PDE11A: variants seen among roughly 807,000 people sequenced by gnomAD.
PDE11A encodes the protein phosphodiesterase 11A, also known as dual 3',5'-cyclic-AMP and -GMP phosphodiesterase 11A.
PDE11A carries 100 observed loss-of-function variants against 100.5 expected under a neutral mutation model. The observed-to-expected ratio is 1.00, with a 90% confidence interval of 0.85 to 1.18. The LOEUF (loss-of-function observed/expected upper bound fraction) is 1.18, where lower values mean the gene tolerates loss of function less well. PDE11A is among the 50% of genes most tolerant of loss of function. PDE11A has a pLI of 0.00. For missense variants in PDE11A, 1,141 were observed against 1,152.6 expected, an observed-to-expected ratio of 0.99 and a Z score of 0.15; for synonymous variants, 381 against 420.8, an observed-to-expected ratio of 0.91 and a Z score of 1.16.
intron 9 of PDE11A, among the ~76,000 whole-genome samples, chr2:177,794,339 CAA>C (rs1168634448): frequency 6.6e-6 from 1 of 152,106 alleles, no homozygotes; most frequent in Non-Finnish European, 1.5e-5. Flanking sequence ...TAAGGAAAAG[CAA>C]AGAGGCCAGT....
At chr2:177,850,062 A>G (rs1428250764) in intron 5 of PDE11A, among the ~76,000 whole-genome samples, 2 of 152,242 alleles carry the variant, frequency 1.3e-5, no homozygotes, top group Admixed American at 1.3e-4. Flanking sequence ...ACCAAAAAAG[A>G]GCCCACATTG....
At chr2:177,636,382 G>A (rs900984843) in intron 19 of PDE11A, among the ~76,000 whole-genome samples, 1 of 152,082 alleles carries the variant, frequency 6.6e-6, no homozygotes, top group African/African-American at 2.4e-5. Flanking sequence ...CTCCCCAAAT[G>A]GTACTTGAAT....
At chr2:178,033,171 C>A (rs532090418) in intron 1 of PDE11A, among the ~76,000 whole-genome samples, 1 of 152,222 alleles carries the variant, frequency 6.6e-6, no homozygotes, top group South Asian at 2.1e-4. Context: ...ACAGGAACTG[C>A]TAACTAGAAT....
chr2:178,078,920 G>A lies in PDE11A; in HGVS notation c.162+25382C>T, dbSNP rs138864949. On this transcript the variant is annotated intron_variant, in intron 2 of 20. Coordinates refer to the PDE11A transcript ENST00000358450. ...GAACATGTACAGTATAGCTAGGGAG[G>A]TAGAACATTTACATTAAAGAACAAC... Among the ~76,000 whole-genome samples, 936 of 152,216 alleles carry A rather than the reference G, an allele frequency of 6.1e-3. 6 individuals are homozygous for A. The highest frequency in any genetic ancestry group is 9.9e-3 in the Non-Finnish European group (674 of 68,008).
intron 2 of PDE11A, among the ~76,000 whole-genome samples, chr2:178,005,830 T>C (rs1456528593): frequency 6.6e-6 from 1 of 152,232 alleles, no homozygotes; most frequent in Non-Finnish European, 1.5e-5. Flanking sequence ...TTATTTTTCA[T>C]GTTCCTGATA....
At chr2:177,770,596 C>T (rs2082298398) in intron 9 of PDE11A, among the ~76,000 whole-genome samples, 1 of 152,130 alleles carries the variant, frequency 6.6e-6, no homozygotes, top group African/African-American at 2.4e-5. Flanking sequence ...GGAGGTGCAG[C>T]AAAATCTGGT....
chr2:177,629,526 G>A lies in PDE11A; in HGVS notation c.2683C>T (p.Leu895=). 1 of 1,610,918 alleles carries A rather than the reference G, an allele frequency of 6.2e-7. No individual in the cohort carries two copies. The change falls in exon 20 of 20, where the codon CTA becomes TTA. Residue 895 remains leucine, a synonymous_variant. Transcript: ENST00000286063. Reference sequence around the variant, plus strand: ...CTTCTGTTTGTAGCTACTGAATCTAGCATCGGCTTCAGTTTCACGTTGACC... The same window carrying A: ...CTTCTGTTTGTAGCTACTGAATCTAACATCGGCTTCAGTTTCACGTTGACC... ...VKVNVKLKPM[L]DSVATNRSKW...
chr2:177,977,473 T>C (rs1484750734), intron 2 of PDE11A, among the ~76,000 whole-genome samples: 2 of 115,088 alleles, frequency 1.7e-5, no homozygotes, highest in African/African-American at 3.4e-5. Context: ...TCCATGCTCA[T>C]GGGTAGGAAG....
At chr2:178,016,764 G>A (rs923558449) in intron 1 of PDE11A, among the ~76,000 whole-genome samples, 1 of 152,070 alleles carries the variant, frequency 6.6e-6, no homozygotes, top group African/African-American at 2.4e-5. Flanking sequence ...ATACATATAA[G>A]GTCCTGAAGC....
rs2081628523 is a variant in PDE11A at position 177,728,124 on chromosome 2, A to G, written c.1837T>C (p.Phe613Leu). The change falls in exon 11 of 20, where the codon TTT (phenylalanine) becomes CTT (leucine). Residue 613 changes from phenylalanine (F) to leucine (L), a missense_variant. By Grantham distance (22) the Phe-to-Leu change is conservative. Transcript: ENST00000286063. ...VSELAIDDIH[F>L]DDFSLDVDAM... is the part of the protein sequence containing the mutation. ...TCAACGTCGAGAGAAAAGTCATCAA[A>G]ATGAATGTCATCGATGGCAAGTTCT... 1 of 1,612,812 alleles carries G rather than the reference A, an allele frequency of 6.2e-7. No individual in the cohort carries two copies. Among genetic ancestry groups the G allele is most frequent in the Non-Finnish European group, 8.5e-7 (1 of 1,179,110 alleles).
At chr2:178,022,499 A>C (rs2105834375) in intron 1 of PDE11A, among the ~76,000 whole-genome samples, 1 of 151,994 alleles carries the variant, frequency 6.6e-6, no homozygotes, top group South Asian at 2.1e-4. Context: ...TTTTAATTTC[A>C]GGAAAAGGAC....
intron 2 of PDE11A, among the ~76,000 whole-genome samples, chr2:177,985,296 A>C (rs1485590919): frequency 6.6e-6 from 1 of 152,224 alleles, no homozygotes; most frequent in Admixed American, 6.5e-5. Context: ...TTAATAATGT[A>C]GATACATAGT....
At chr2:177,896,110 G>T (rs2084607636) in intron 4 of PDE11A, among the ~76,000 whole-genome samples, 1 of 152,132 alleles carries the variant, frequency 6.6e-6, no homozygotes, top group South Asian at 2.1e-4. Flanking sequence ...AGAATGTTCA[G>T]CAGTGATAGC....
rs9288007 is a variant in PDE11A, at chr2:177,665,309, C to CA, written c.2563-1361dup. Among the ~76,000 whole-genome samples the CA allele has an allele frequency of 4.0e-3, 453 of 112,420 alleles. 2 individuals are homozygous for CA. The highest frequency in any genetic ancestry group is 7.1e-3 in the African/African-American group (208 of 29,454). The allele number at this position is 112,420 out of a possible 152,430, so 73.8% of individuals were successfully genotyped here. A position where few individuals can be genotyped will look rare whatever the true frequency, so the allele number is the denominator to read the frequency against. The stretch of plus-strand genomic sequence containing the variant: ...CAACAGAGTGAAGCCCCTGTCCCTA[C>CA]AAAAAAAAAAAAAAAAAAAAATTAG... On this transcript the variant is annotated intron_variant, in intron 18 of 19. Coordinates refer to ENST00000286063, the MANE Select transcript of PDE11A (RefSeq NM_016953.4).
At chr2:178,089,195 G>A (rs573845997) in intron 2 of PDE11A, among the ~76,000 whole-genome samples, 7 of 152,318 alleles carry the variant, frequency 4.6e-5, no homozygotes, top group Admixed American at 3.3e-4. Context: ...TAAATGATCA[G>A]GGGAAAGTCA....
In PDE11A at chr2:177,935,122, G is replaced by T. The variant is rs1236100124; in HGVS notation, c.1072-29935C>A. ...TCTAAAATAAAAGTACAAAAAAAAA[G>T]ATATTGATAAAATTCCCACCAAAAG... On this transcript the variant is annotated intron_variant, in intron 2 of 19. Coordinates refer to ENST00000286063, the MANE Select transcript of PDE11A (RefSeq NM_016953.4). Among the ~76,000 whole-genome samples, 5 of 152,208 alleles carry T rather than the reference G, an allele frequency of 3.3e-5. No homozygotes were observed. In the East Asian group the frequency reaches 9.7e-4, roughly 29 times the overall value.
chr2:177,998,241 G>T (rs1383677582), intron 2 of PDE11A: 2 of 828,982 alleles, frequency 2.4e-6, no homozygotes, highest in Non-Finnish European at 4.3e-6. Flanking sequence ...TTTGGATTCA[G>T]TTAGTATAAG....
At chr2:177,729,691 G>A (rs961671405) in intron 10 of PDE11A, among the ~76,000 whole-genome samples, 3 of 152,162 alleles carry the variant, frequency 2.0e-5, no homozygotes, top group African/African-American at 7.2e-5. Flanking sequence ...GAAGTCAGAA[G>A]CTATTCTGTG....
intron 1 of PDE11A, among the ~76,000 whole-genome samples, chr2:178,024,339 G>A (rs1288035880): frequency 6.6e-6 from 1 of 152,102 alleles, no homozygotes; most frequent in East Asian, 1.9e-4. Flanking sequence ...TTGGGCCCGG[G>A]AGGCAGAGGT....
Sources: allele counts gnomAD v4.1 joint callset (sites outside exome capture counted in the v4.1 genomes callset), GRCh38; gene constraint gnomAD v4.1.1; transcripts MANE v1.5; gene names NCBI Gene and HGNC (gene_info 2026-07-23, HGNC 2026-07-21).